PCMTD1: variants seen among roughly 807,000 people sequenced by gnomAD.
PCMTD1 encodes protein-L-isoaspartate O-methyltransferase domain-containing protein 1.
PCMTD1 carries 12 observed loss-of-function variants against 37.6 expected under a neutral mutation model. The ratio of observed to expected loss-of-function variants is 0.32; its 90% confidence interval spans 0.20 to 0.52. The LOEUF (loss-of-function observed/expected upper bound fraction) is 0.52. Ranked by LOEUF, PCMTD1 falls within the 20% of genes least tolerant of loss-of-function variation. PCMTD1 has a pLI of 0.97. For synonymous variants in PCMTD1, 117 were observed against 135.8 expected (o/e 0.86, Z 0.96); for missense variants, 235 against 421.3 (o/e 0.56, Z 3.87).
intron 1 of PCMTD1, among the ~76,000 whole-genome samples, chr8:51,885,219 A>C (rs2038848783): frequency 6.6e-6 from 1 of 152,168 alleles, no homozygotes; most frequent in Non-Finnish European, 1.5e-5. Flanking sequence ...TATATCCCAC[A>C]AACATTCTCT....
intron 1 of PCMTD1, among the ~76,000 whole-genome samples, chr8:51,879,767 G>T (rs2038765861): frequency 6.6e-6 from 1 of 152,252 alleles, no homozygotes. Flanking sequence ...ATCTGGCAAA[G>T]CACACAGTAA....
intron 5 of PCMTD1, among the ~76,000 whole-genome samples, chr8:51,831,036 G>A (rs767177699): frequency 5.9e-5 from 9 of 151,576 alleles, no homozygotes; most frequent in South Asian, 2.1e-4. Context: ...GGTGGCTCAC[G>A]CCTATAATCC....
Position 51,860,957 on chromosome 8 carries a change from T to C in PCMTD1, c.195A>G (p.Ala65=), listed in dbSNP as rs1219752094. ...CCATAACTTCAGAATAAATGCAAGG[T>C]GCTGACAAGTGGATGTTTCCATGCT... ...AWKHGNIHLS[A]PCIYSEVMEA... The change falls in exon 2 of 6, where the codon GCA becomes GCG. Residue 65 remains alanine (A), a synonymous_variant. Coordinates refer to ENST00000522514, the MANE Select transcript of PCMTD1 (RefSeq NM_052937.4). The C allele has an allele frequency of 6.2e-7, 1 of 1,614,162 alleles. No homozygotes were observed. Among genetic ancestry groups the C allele is most frequent in the East Asian group, 2.2e-5 (1 of 44,874 alleles).
chr8:51,895,828 T>C (rs2038991624), intron 1 of PCMTD1: 1 of 152,146 alleles, frequency 6.6e-6, no homozygotes, highest in African/African-American at 2.4e-5. Context: ...CCAATTATCA[T>C]CCTTAACAAT....
chr8:51,872,101 G>A (rs2038647955), intron 1 of PCMTD1, among the ~76,000 whole-genome samples: 1 of 152,158 alleles, frequency 6.6e-6, no homozygotes, highest in African/African-American at 2.4e-5. Flanking sequence ...TATTTGAAGT[G>A]ATAAAGTAAT....
chr8:51,884,049 T>C, intron 1 of PCMTD1, among the ~76,000 whole-genome samples: 1 of 152,316 alleles, frequency 6.6e-6, no homozygotes, highest in African/African-American at 2.4e-5. Flanking sequence ...GTGTCTTGAG[T>C]TTCTTTTCAA....
chr8:51,873,891 G>A (rs1271842357), intron 1 of PCMTD1, among the ~76,000 whole-genome samples: 2 of 151,402 alleles, frequency 1.3e-5, no homozygotes, highest in East Asian at 3.9e-4. Flanking sequence ...CCAGGCTCAG[G>A]TATTTCTTTT....
chr8:51,897,999 TAAG>T (rs1262607783), intron 1 of PCMTD1, among the ~76,000 whole-genome samples: 10 of 151,676 alleles, frequency 6.6e-5, no homozygotes, highest in Non-Finnish European at 1.5e-4. Flanking sequence ...CCCTGGGTAG[TAAG>T]AAGGAGAAAT....
At chr8:51,857,008 G>C (rs1268898760) in intron 2 of PCMTD1, among the ~76,000 whole-genome samples, 1 of 152,240 alleles carries the variant, frequency 6.6e-6, no homozygotes, top group Non-Finnish European at 1.5e-5. Flanking sequence ...GCGAGCAAGA[G>C]AGAACATGCA....
intron 1 of PCMTD1, among the ~76,000 whole-genome samples, chr8:51,875,221 AAAAAT>A (rs1183602862): frequency 2.0e-5 from 3 of 152,244 alleles, no homozygotes; most frequent in African/African-American, 7.2e-5. Flanking sequence ...TTTTAAGGAA[AAAAAT>A]ACCAAAAAGT....
At chr8:51,839,688 G>C in intron 3 of PCMTD1, 2 of 910,980 alleles carry the variant, frequency 2.2e-6, no homozygotes, top group Non-Finnish European at 2.6e-6. Context: ...TTGAAGTGGG[G>C]CTGACAATTT....
chr8:51,876,890 C>T (rs1019019554), intron 1 of PCMTD1, among the ~76,000 whole-genome samples: 1 of 152,154 alleles, frequency 6.6e-6, no homozygotes, highest in Non-Finnish European at 1.5e-5. Flanking sequence ...TAGAAAAACA[C>T]CAATGGATGC....
chr8:51,898,488 C>T (rs2039042924), intron 1 of PCMTD1, among the ~76,000 whole-genome samples: 2 of 152,120 alleles, frequency 1.3e-5, no homozygotes, highest in African/African-American at 2.4e-5. Context: ...AAACAGAAGT[C>T]ACTGGGCGGA....
intron 1 of PCMTD1, among the ~76,000 whole-genome samples, chr8:51,890,670 G>T (rs2038923958): frequency 6.6e-6 from 1 of 152,184 alleles, no homozygotes; most frequent in Admixed American, 6.5e-5. Context: ...TGACAGAGAA[G>T]CACCGACTGA....
rs184375050 is a variant in PCMTD1 at position 51,887,956 on chromosome 8, G to C, written c.-96+10974C>G. 2.3e-3 allele frequency among the ~76,000 whole-genome samples: 349 copies of C among 152,068 alleles called. 1 individual carries two copies. The highest frequency in any genetic ancestry group is 7.6e-3 in the African/African-American group (317 of 41,472). On this transcript the variant is annotated intron_variant, in intron 1 of 5. Transcript: ENST00000522514. ...GACGGAGTTTCACCATGTTGGCCAG[G>C]ATGGTCTCAATCTCTTGACCTCGTG... is the stretch of plus-strand genomic sequence containing the variant.
rs760478599 is a variant in PCMTD1 at position 51,862,469 on chromosome 8, C to T, written c.-95-1223G>A. Among the ~76,000 whole-genome samples the T allele has an allele frequency of 2.0e-5, 3 of 152,218 alleles. 1 individual carries two copies. The highest frequency in any genetic ancestry group is 6.8e-3 in the Middle Eastern group (2 of 294). Reference sequence around the variant, plus strand: ...TGAGAAAACTAAAAAAATTTCAAAACATAATACTGAATATACAATTTAAGC... The same window carrying T: ...TGAGAAAACTAAAAAAATTTCAAAATATAATACTGAATATACAATTTAAGC... On this transcript the variant is annotated intron_variant, in intron 1 of 5. Coordinates refer to ENST00000522514, the MANE Select transcript of PCMTD1 (RefSeq NM_052937.4).
intron 5 of PCMTD1, among the ~76,000 whole-genome samples, chr8:51,822,442 T>C (rs1251067244): frequency 3.3e-5 from 5 of 152,182 alleles, no homozygotes; most frequent in Admixed American, 2.6e-4. Context: ...GTGACTGACA[T>C]GACAAAGATA....
intron 1 of PCMTD1, among the ~76,000 whole-genome samples, chr8:51,876,255 G>A (rs1457767035): frequency 4.7e-4 from 72 of 152,170 alleles, no homozygotes; most frequent in Non-Finnish European, 8.8e-5. Flanking sequence ...GATCTCAGCA[G>A]CTTCATGGTG....
intron 2 of PCMTD1, among the ~76,000 whole-genome samples, chr8:51,846,524 AAC>A (rs1258025366): frequency 6.6e-6 from 1 of 152,224 alleles, no homozygotes; most frequent in Non-Finnish European, 1.5e-5. Flanking sequence ...ATGAGAATAT[AAC>A]ACACAAATTA....
Sources: allele counts gnomAD v4.1 joint callset (sites outside exome capture counted in the v4.1 genomes callset), GRCh38; gene constraint gnomAD v4.1.1; transcripts MANE v1.5; gene names NCBI Gene and HGNC (gene_info 2026-07-23, HGNC 2026-07-21).